ANKRD28: variants seen among roughly 807,000 people sequenced by gnomAD.
The protein encoded by ANKRD28 is serine/threonine-protein phosphatase 6 regulatory ankyrin repeat subunit A.
ANKRD28 carries 44 observed loss-of-function variants against 126.5 expected under a neutral mutation model. The observed-to-expected ratio is 0.35, with a 90% CI of 0.27 to 0.45. ANKRD28 has a LOEUF of 0.45. Among genes scored for constraint, ANKRD28 ranks in the 20% least tolerant of loss-of-function variants. The pLI is 1.00. For missense variants in ANKRD28, 1,110 were observed against 1,316.6 expected (o/e 0.84, Z 2.43); for synonymous variants, 442 against 468.5 (o/e 0.94, Z 0.73).
intron 6 of ANKRD28, among the ~76,000 whole-genome samples, chr3:15,729,622 A>T (rs956954480): frequency 6.6e-6 from 1 of 152,196 alleles, no homozygotes; most frequent in African/African-American, 2.4e-5. Context: ...TCGTGATGTC[A>T]TTTTAAAAAT....
At chr3:15,756,076 C>G (rs776551315) in intron 3 of ANKRD28, among the ~76,000 whole-genome samples, 3 of 152,230 alleles carry the variant, frequency 2.0e-5, no homozygotes, top group Non-Finnish European at 4.4e-5. Flanking sequence ...TTTAACAAGT[C>G]TTTTCTTGTC....
At chr3:15,806,871 T>C (rs1486302810) in intron 1 of ANKRD28, among the ~76,000 whole-genome samples, 1 of 152,164 alleles carries the variant, frequency 6.6e-6, no homozygotes, top group Non-Finnish European at 1.5e-5. Context: ...TTCTATGTAA[T>C]AGAATATTAA....
chr3:15,707,242 T>C (rs1463836437), intron 14 of ANKRD28, among the ~76,000 whole-genome samples: 1 of 135,056 alleles, frequency 7.4e-6, no homozygotes, highest in Non-Finnish European at 1.7e-5. Context: ...TCAATGAGTT[T>C]ATTTTCGTGC....
At chr3:15,758,590 G>C (rs1210660367) in intron 3 of ANKRD28, among the ~76,000 whole-genome samples, 1 of 152,146 alleles carries the variant, frequency 6.6e-6, no homozygotes, top group Non-Finnish European at 1.5e-5. Flanking sequence ...CATGGACAGA[G>C]GGAAAATAAA....
At chr3:15,745,265 T>C (rs1429807881) in intron 4 of ANKRD28, among the ~76,000 whole-genome samples, 1 of 152,104 alleles carries the variant, frequency 6.6e-6, no homozygotes, top group Non-Finnish European at 1.5e-5. Flanking sequence ...TGCTTTTGGA[T>C]TCTTGGTCAT....
chr3:15,717,767 T>C (rs980358257), intron 8 of ANKRD28, among the ~76,000 whole-genome samples: 4 of 152,226 alleles, frequency 2.6e-5, no homozygotes, highest in South Asian at 2.1e-4. Context: ...GTAAGGCTCA[T>C]GTCAAGCAGT....
chr3:15,814,024 C>T lies in ANKRD28; in HGVS notation c.28-18718G>A, dbSNP rs7645290. ...ATAAGCCCCCTCCACTGAAAATTTA[C>T]TTGAATTATAAAACGGCTATACTAA... is the stretch of plus-strand genomic sequence containing the variant. On this transcript the variant is annotated intron_variant, in intron 1 of 27. Transcript: ENST00000399451. The surrounding 1 kb of genome is among the most constrained non-coding windows in gnomAD (Gnocchi z 4.7). Among the ~76,000 whole-genome samples, 133,512 of 152,250 alleles carry T rather than the reference C, an allele frequency of 0.88. 58,830 individuals are homozygous for T. Among genetic ancestry groups the T allele is most frequent in the African/African-American group, 0.97 (40,130 of 41,572 alleles).
chr3:15,800,256 G>C (rs2060437334), upstream of ANKRD28, among the ~76,000 whole-genome samples: 1 of 152,082 alleles, frequency 6.6e-6, no homozygotes. Flanking sequence ...TAACAGTACA[G>C]TGCTTGAGAA....
At chr3:15,791,453 C>G (rs1046535844) in intron 2 of ANKRD28, among the ~76,000 whole-genome samples, 4 of 151,532 alleles carry the variant, frequency 2.6e-5, no homozygotes, top group Non-Finnish European at 5.9e-5. Flanking sequence ...AACCCAAAAC[C>G]AAATCCAAAC....
At position 15,833,875 on chromosome 3, in the gene ANKRD28, C is replaced by T. The variant is rs1253427128; in HGVS notation, c.27+25502G>A. Among the ~76,000 whole-genome samples, 1 of 151,850 alleles carries T rather than the reference C, an allele frequency of 6.6e-6. No homozygotes were observed. Among genetic ancestry groups the T allele is most frequent in the African/African-American group, 2.4e-5 (1 of 41,346 alleles). On this transcript the variant is annotated intron_variant, in intron 1 of 27. Transcript: ENST00000399451. The surrounding 1 kb of genome is among the most constrained non-coding windows in gnomAD (Gnocchi z 4.4). The stretch of plus-strand genomic sequence containing the variant: ...TTGAGGATTTTTTCATGTTTTTTGG[C>T]CACTTGTATGTCTTCTTTTGGAAAA...
chr3:15,798,308 G>GT, upstream of ANKRD28: 1 of 236,254 alleles, frequency 4.2e-6, no homozygotes, highest in Non-Finnish European at 6.9e-6. Context: ...CATAAAAAAG[G>GT]TTTAAAGATG....
intron 21 of ANKRD28, among the ~76,000 whole-genome samples, chr3:15,683,257 C>T (rs1162589463): frequency 6.6e-6 from 1 of 152,146 alleles, no homozygotes; most frequent in African/African-American, 2.4e-5. Flanking sequence ...GACTTTTTTA[C>T]AGAAACACAA....
At chr3:15,754,656 G>T (rs747500892) in intron 3 of ANKRD28, among the ~76,000 whole-genome samples, 1 of 152,008 alleles carries the variant, frequency 6.6e-6, no homozygotes, top group Admixed American at 6.5e-5. Context: ...TCTTCAAAAG[G>T]GGGTACTACT....
At chr3:15,851,921 A>G (rs2061660391) in intron 1 of ANKRD28, among the ~76,000 whole-genome samples, 1 of 152,258 alleles carries the variant, frequency 6.6e-6, no homozygotes, top group Non-Finnish European at 1.5e-5. Flanking sequence ...GTATATCCAT[A>G]CAATGGAATA....
chr3:15,674,196 A>AG (rs1553573253), intron 27 of ANKRD28, among the ~76,000 whole-genome samples: 1 of 130,170 alleles, frequency 7.7e-6, no homozygotes, highest in South Asian at 2.7e-4. Flanking sequence ...AAAAAAAAAA[A>AG]AAGAAGAAGA....
At chr3:15,857,301 T>C (rs1286282271) in intron 1 of ANKRD28, among the ~76,000 whole-genome samples, 1 of 152,208 alleles carries the variant, frequency 6.6e-6, no homozygotes, top group African/African-American at 2.4e-5. Flanking sequence ...TTATTTATTT[T>C]TGGGATGGAG....
chr3:15,679,320 C>A lies in ANKRD28; in HGVS notation c.2542G>T (p.Ala848Ser), dbSNP rs1236695609. The stretch of plus-strand genomic sequence containing the variant: ...TCCTACCTTCCTTTTGAATCTGTGG[C>A]GTTCACAATGCTGGCACCTAATGTA... The part of the protein sequence containing the change: ...IDTLGASIVN[A>S]TDSKGRTPLH... Residue 848 changes from alanine (A) to serine (S), a missense_variant, in exon 23 of 28, where the codon GCC becomes TCC. Ala to Ser is a moderately conservative substitution (Grantham distance 99). Coordinates refer to ENST00000683139, the MANE Select transcript of ANKRD28 (RefSeq NM_001349278.2). 4 of 1,613,762 alleles carry A rather than the reference C, an allele frequency of 2.5e-6. No individual in the cohort carries two copies. Among genetic ancestry groups the A allele is most frequent in the Non-Finnish European group, 1.7e-6 (2 of 1,179,826 alleles).
intron 2 of ANKRD28, among the ~76,000 whole-genome samples, chr3:15,783,032 T>A (rs1473581278): frequency 6.6e-6 from 1 of 150,788 alleles, no homozygotes; most frequent in Non-Finnish European, 1.5e-5. Context: ...AATGGGACAG[T>A]TTTTTTTTAA....
chr3:15,830,091 T>C lies in ANKRD28; in HGVS notation c.27+29286A>G, dbSNP rs1313656553. Among the ~76,000 whole-genome samples the C allele has an allele frequency of 6.6e-6, 1 of 152,196 alleles. No homozygotes were observed. Among genetic ancestry groups the C allele is most frequent in the African/African-American group, 2.4e-5 (1 of 41,438 alleles). ...AAACAATCTTAAGGGAAATAGGCTT[T>C]TCCCTCCCCTTAACTGTAAGCAAGG... On this transcript the variant is annotated intron_variant, in intron 1 of 27. Transcript: ENST00000399451. This position sits in a 1 kb window ranked among gnomAD's most constrained non-coding sequence, Gnocchi z 4.5.
Sources: allele counts gnomAD v4.1 joint callset (sites outside exome capture counted in the v4.1 genomes callset), GRCh38; gene constraint gnomAD v4.1.1; non-coding constraint Gnocchi (gnomAD v3.1); transcripts MANE v1.5; gene names NCBI Gene and HGNC (gene_info 2026-07-23, HGNC 2026-07-21).